FRMD4A: variants seen among roughly 807,000 people sequenced by gnomAD.
FRMD4A encodes the protein FERM domain containing 4A.
In FRMD4A, 29 loss-of-function variants were observed where a neutral mutation model predicts 129.1. The ratio of observed to expected loss-of-function variants is 0.22; its 90% CI spans 0.17 to 0.31. The LOEUF (loss-of-function observed/expected upper bound fraction) is 0.31, where lower values mean the gene tolerates loss of function less well. Among genes scored for constraint, FRMD4A ranks in the 10% least tolerant of loss-of-function variants. The pLI is 1.00. For missense variants in FRMD4A, 1,272 were observed against 1,375.8 expected (o/e 0.92, Z 1.19); for synonymous variants, 634 against 571.6 (o/e 1.11, Z -1.56).
chr10:13,953,324 G>T (rs536533978), intron 2 of FRMD4A, among the ~76,000 whole-genome samples: 1 of 152,186 alleles, frequency 6.6e-6, no homozygotes, highest in South Asian at 2.1e-4. Context: ...GCTATGGCAC[G>T]ATGCCCCCAA....
chr10:13,861,537 A>G (rs2094294902), intron 2 of FRMD4A, among the ~76,000 whole-genome samples: 1 of 152,332 alleles, frequency 6.6e-6, no homozygotes. Context: ...AAAATCAAGA[A>G]AAGTTTCACA....
intron 2 of FRMD4A, among the ~76,000 whole-genome samples, chr10:14,027,470 G>C (rs962113303): frequency 6.6e-6 from 1 of 152,164 alleles, no homozygotes; most frequent in African/African-American, 2.4e-5. Context: ...ACAAAAATTA[G>C]CTGGGCTTGG....
At chr10:14,167,665 G>A (rs116826659) in intron 2 of FRMD4A, among the ~76,000 whole-genome samples, 1,851 of 152,060 alleles carry the variant, frequency 0.012, 43 homozygotes, top group African/African-American at 0.041. Flanking sequence ...AGGGAGGCTT[G>A]GAACAACGTA....
At chr10:14,002,825 G>T (rs547995331) in intron 2 of FRMD4A, among the ~76,000 whole-genome samples, 1 of 152,322 alleles carries the variant, frequency 6.6e-6, no homozygotes, top group East Asian at 1.9e-4. Context: ...GAAGTAAAGG[G>T]GGTGGAGGGA....
chr10:13,835,589 AC>A (rs1029792754), intron 3 of FRMD4A, among the ~76,000 whole-genome samples: 1 of 152,034 alleles, frequency 6.6e-6, no homozygotes, highest in Non-Finnish European at 1.5e-5. Flanking sequence ...AGGAGTATGA[AC>A]CCTATTGTGA....
At chr10:13,848,213 G>A (rs1046972762) in intron 3 of FRMD4A, among the ~76,000 whole-genome samples, 1 of 152,154 alleles carries the variant, frequency 6.6e-6, no homozygotes, top group Admixed American at 6.5e-5. Context: ...AGAGGACATG[G>A]AAAGGATTTT....
chr10:13,911,503 A>C (rs1022368982), intron 2 of FRMD4A, among the ~76,000 whole-genome samples: 1 of 152,194 alleles, frequency 6.6e-6, no homozygotes, highest in African/African-American at 2.4e-5. Context: ...GCATTTTTTG[A>C]CATTTTCACC....
At chr10:14,276,538 T>C (rs993557356) in intron 2 of FRMD4A, among the ~76,000 whole-genome samples, 1 of 152,220 alleles carries the variant, frequency 6.6e-6, no homozygotes, top group Non-Finnish European at 1.5e-5. Context: ...GAACTCCGTG[T>C]CCCCATTTTA....
chr10:14,262,939 A>C (rs1450623314), intron 2 of FRMD4A, among the ~76,000 whole-genome samples: 2 of 152,192 alleles, frequency 1.3e-5, no homozygotes, highest in African/African-American at 2.4e-5. Flanking sequence ...GCAAGCCATG[A>C]AAGAAGCAAA....
intron 2 of FRMD4A, among the ~76,000 whole-genome samples, chr10:14,206,278 C>A (rs1842778589): frequency 6.6e-6 from 1 of 152,188 alleles, no homozygotes; most frequent in Non-Finnish European, 1.5e-5. Context: ...AAACTGACAA[C>A]CCAGTCAGCA....
chr10:13,867,420 A>C (rs2094381203), intron 2 of FRMD4A, among the ~76,000 whole-genome samples: 2 of 150,752 alleles, frequency 1.3e-5, no homozygotes, highest in Non-Finnish European at 2.9e-5. Context: ...ATCTCCACAC[A>C]GGGTTAATTT....
At chr10:14,264,982 C>CTA (rs1182130949) in intron 2 of FRMD4A, among the ~76,000 whole-genome samples, 5 of 152,166 alleles carry the variant, frequency 3.3e-5, no homozygotes, top group Non-Finnish European at 7.3e-5. Flanking sequence ...GGGGGTTTCA[C>CTA]CATATTGGCC....
At chr10:14,035,920 TAA>T (rs1459937121) in intron 2 of FRMD4A, among the ~76,000 whole-genome samples, 2 of 151,982 alleles carry the variant, frequency 1.3e-5, no homozygotes, top group East Asian at 3.9e-4. Flanking sequence ...TTGGCGCCTG[TAA>T]TCCCAGCTAC....
intron 8 of FRMD4A, among the ~76,000 whole-genome samples, chr10:13,748,421 T>G (rs1230529054): frequency 1.3e-5 from 2 of 152,206 alleles, no homozygotes; most frequent in African/African-American, 4.8e-5. Flanking sequence ...TTTTTTCAGA[T>G]GTTTGACTGT....
At chr10:14,014,461 A>G (rs1565185023) in intron 2 of FRMD4A, among the ~76,000 whole-genome samples, 1 of 152,182 alleles carries the variant, frequency 6.6e-6, no homozygotes. Context: ...GGAGTTTGGA[A>G]GGGAAACCCT....
At chr10:13,966,403 C>G (rs77310971) in intron 2 of FRMD4A, among the ~76,000 whole-genome samples, 12 of 152,142 alleles carry the variant, frequency 7.9e-5, no homozygotes, top group African/African-American at 2.9e-4. Flanking sequence ...ATGGCAAACC[C>G]GCAATTACTT....
intron 3 of FRMD4A, among the ~76,000 whole-genome samples, chr10:13,839,149 C>T (rs2093924040): frequency 6.6e-6 from 1 of 151,910 alleles, no homozygotes; most frequent in South Asian, 2.1e-4. Context: ...GTGCATGCCA[C>T]CACACCTAGC....
At chr10:13,951,328 G>A (rs1384085849) in intron 2 of FRMD4A, among the ~76,000 whole-genome samples, 3 of 152,088 alleles carry the variant, frequency 2.0e-5, no homozygotes, top group Admixed American at 6.6e-5. Context: ...AGGAAGGAGA[G>A]AGGTAGTGCG....
At chr10:13,859,380 C>A (rs1016774382) in intron 2 of FRMD4A, among the ~76,000 whole-genome samples, 1 of 152,004 alleles carries the variant, frequency 6.6e-6, no homozygotes, top group Non-Finnish European at 1.5e-5. Flanking sequence ...GCAAAACTCC[C>A]TTTCAAAAAA....
Sources: allele counts gnomAD v4.1 joint callset (sites outside exome capture counted in the v4.1 genomes callset), GRCh38; gene constraint gnomAD v4.1.1; transcripts MANE v1.5; gene names NCBI Gene and HGNC (gene_info 2026-07-23, HGNC 2026-07-21).